Variants in INPP4B observed in about 807,000 individuals in gnomAD.
INPP4B encodes inositol polyphosphate 4-phosphatase type II.
Under a neutral mutation model 122.5 loss-of-function variants are expected in INPP4B, and 55 were observed. The ratio of observed to expected loss-of-function variants is 0.45; its 90% CI spans 0.36 to 0.56. The LOEUF (loss-of-function observed/expected upper bound fraction) is 0.56, where lower values mean the gene tolerates loss of function less well. INPP4B is among the 20% of genes least tolerant of loss of function. The pLI, the probability that INPP4B is intolerant of heterozygous loss-of-function variation, is 0.00. For missense variants in INPP4B, 1,000 were observed against 1,097.7 expected, an observed-to-expected ratio of 0.91 and a Z score of 1.26; for synonymous variants, 403 against 388.7, an observed-to-expected ratio of 1.04 and a Z score of -0.43.
At chr4:142,839,248 A>G (rs1320853744) in intron 1 of INPP4B, among the ~76,000 whole-genome samples, 3 of 152,186 alleles carry the variant, frequency 2.0e-5, no homozygotes, top group Non-Finnish European at 4.4e-5. Flanking sequence ...ACCTGAGGTC[A>G]GGAGTTCGAG....
Position 142,394,648 on chromosome 4 carries a change from C to T in INPP4B, c.372+8290G>A, listed in dbSNP as rs185292751. 3.9e-5 allele frequency among the ~76,000 whole-genome samples: 6 copies of T among 152,140 alleles called. No homozygotes were observed. In the East Asian group the frequency reaches 1.2e-3, roughly 29 times the overall value. ...GACGAATGTTTATGCAGGTCCTTTGCCAATTTTCTAAATGAGTTGTTTTCT... is the reference window on the plus strand; with the variant it reads ...GACGAATGTTTATGCAGGTCCTTTGTCAATTTTCTAAATGAGTTGTTTTCT... On this transcript the variant is annotated intron_variant, in intron 7 of 25. Coordinates refer to ENST00000262992, the MANE Select transcript of INPP4B (RefSeq NM_001101669.3).
chr4:142,137,893 C>T (rs1805479262), intron 18 of INPP4B, among the ~76,000 whole-genome samples: 1 of 151,914 alleles, frequency 6.6e-6, no homozygotes, highest in African/African-American at 2.4e-5. Flanking sequence ...ACAACAGGTG[C>T]TGGAGAGGAT....
intron 1 of INPP4B, among the ~76,000 whole-genome samples, chr4:142,746,102 G>T (rs769902898): frequency 6.6e-6 from 1 of 151,830 alleles, no homozygotes; most frequent in Non-Finnish European, 1.5e-5. Flanking sequence ...TACCTAATTA[G>T]TAGTTATAGA....
chr4:142,654,587 A>G (rs13125853), intron 2 of INPP4B: 70,561 of 151,890 alleles, frequency 0.46, 20,153 homozygotes, highest in East Asian at 0.79. Flanking sequence ...GCTTGATTAC[A>G]TTTTTCTTGT....
At chr4:142,270,867 T>G in intron 9 of INPP4B, 93 bp from the exon 10 acceptor site, 1 of 806,866 alleles carries the variant, frequency 1.2e-6, no homozygotes, top group East Asian at 2.5e-5. Flanking sequence ...ACCACCAGCA[T>G]TGTTATTTAC....
intron 25 of INPP4B, among the ~76,000 whole-genome samples, 169 bp downstream of exon 25, chr4:142,081,862 T>C (rs1353603): frequency 0.89 from 134,568 of 151,916 alleles, 61,216 homozygotes; most frequent in Non-Finnish European, 0.98. Flanking sequence ...GAAATCATTA[T>C]ACAGGTGGAG....
intron 2 of INPP4B, among the ~76,000 whole-genome samples, chr4:142,605,275 C>T (rs1740993856): frequency 6.6e-6 from 1 of 151,962 alleles, no homozygotes; most frequent in Admixed American, 6.6e-5. Context: ...GGATTAAAGA[C>T]TTAAATAGAA....
intron 2 of INPP4B, among the ~76,000 whole-genome samples, chr4:142,573,304 G>C (rs1733208842): frequency 6.6e-6 from 1 of 152,032 alleles, no homozygotes; most frequent in African/African-American, 2.4e-5. Context: ...ACAGAGCCAA[G>C]CCACATCACA....
intron 2 of INPP4B, among the ~76,000 whole-genome samples, chr4:142,520,540 CTTTAT>C (rs1825951666): frequency 6.6e-6 from 1 of 151,806 alleles, no homozygotes; most frequent in Non-Finnish European, 1.5e-5. Flanking sequence ...ATTCTATTTA[CTTTAT>C]TTATTATTGT....
At chr4:142,725,150 A>T (rs188995177) in intron 2 of INPP4B, among the ~76,000 whole-genome samples, 6 of 152,214 alleles carry the variant, frequency 3.9e-5, no homozygotes, top group Admixed American at 2.0e-4. Flanking sequence ...CCATACTCAC[A>T]CTTTGTGTAC....
At chr4:142,117,674 G>C (rs1578964504) in intron 21 of INPP4B, among the ~76,000 whole-genome samples, 1 of 152,088 alleles carries the variant, frequency 6.6e-6, no homozygotes, top group South Asian at 2.1e-4. Flanking sequence ...AAAATAATAA[G>C]ATCTATCTAT....
chr4:142,717,614 A>G (rs568520123), intron 2 of INPP4B, among the ~76,000 whole-genome samples: 2 of 152,302 alleles, frequency 1.3e-5, no homozygotes, highest in Admixed American at 6.5e-5. Flanking sequence ...GCTGGAAACC[A>G]TCATTCTGAG....
At chr4:142,228,827 A>G (rs1488095524) in intron 12 of INPP4B, among the ~76,000 whole-genome samples, 1 of 151,884 alleles carries the variant, frequency 6.6e-6, no homozygotes, top group Non-Finnish European at 1.5e-5. Flanking sequence ...AAGGAAAAAT[A>G]GGAATATCCC....
chr4:142,413,133 TA>T (rs1804953637), intron 5 of INPP4B, among the ~76,000 whole-genome samples: 1 of 152,202 alleles, frequency 6.6e-6, no homozygotes, highest in Non-Finnish European at 1.5e-5. Flanking sequence ...AACAAATGTA[TA>T]AAAGTTGGCA....
At chr4:142,606,629 T>C (rs1741329988) in intron 2 of INPP4B, among the ~76,000 whole-genome samples, 1 of 152,030 alleles carries the variant, frequency 6.6e-6, no homozygotes, top group South Asian at 2.1e-4. Context: ...TTCAAATATT[T>C]TGGATCCTTA....
intron 1 of INPP4B, among the ~76,000 whole-genome samples, chr4:142,806,786 G>GAAAGAAGGAAA (rs1554013556): frequency 2.6e-5 from 2 of 75,948 alleles, no homozygotes; most frequent in African/African-American, 1.0e-4. Flanking sequence ...AAAGAAAGAA[G>GAAAGAAGGAAA]GAAAGAAAGA....
At chr4:142,421,189 A>G (rs1806808715) in intron 5 of INPP4B, among the ~76,000 whole-genome samples, 1 of 152,102 alleles carries the variant, frequency 6.6e-6, no homozygotes, top group South Asian at 2.1e-4. Flanking sequence ...ATGCAAATCC[A>G]TTTCTATTTG....
At chr4:142,491,266 TTAAACA>T (rs995179369) in intron 2 of INPP4B, among the ~76,000 whole-genome samples, 33 of 152,166 alleles carry the variant, frequency 2.2e-4, no homozygotes, top group Non-Finnish European at 3.5e-4. Flanking sequence ...GATTAAAAAC[TTAAACA>T]TAAGATCTGA....
chr4:142,264,058 G>A (rs536369870), intron 10 of INPP4B, among the ~76,000 whole-genome samples: 1 of 152,116 alleles, frequency 6.6e-6, no homozygotes, highest in Admixed American at 6.5e-5. Context: ...GTCACTGAAG[G>A]GCTTTGAGTT....
Sources: allele counts gnomAD v4.1 joint callset (sites outside exome capture counted in the v4.1 genomes callset), GRCh38; gene constraint gnomAD v4.1.1; transcripts MANE v1.5; gene names NCBI Gene and HGNC (gene_info 2026-07-23, HGNC 2026-07-21).